The following CTNND2 variants were observed in gnomAD, a reference collection of about 807,000 sequenced individuals.
The protein encoded by CTNND2 is catenin delta 2, also known as catenin delta-2.
Under a neutral mutation model 144.4 loss-of-function variants are expected in CTNND2, and 22 were observed. The ratio of observed to expected loss-of-function variants is 0.15; its 90% CI spans 0.11 to 0.22. CTNND2 has a LOEUF of 0.22. Among genes scored for constraint, CTNND2 ranks in the 10% least tolerant of loss-of-function variants. CTNND2 has a pLI of 1.00. For missense variants in CTNND2, 1,353 were observed against 1,618.8 expected, an observed-to-expected ratio of 0.84 and a Z score of 2.82; for synonymous variants, 751 against 695.6, an observed-to-expected ratio of 1.08 and a Z score of -1.25.
intron 12 of CTNND2, among the ~76,000 whole-genome samples, chr5:11,146,107 C>A (rs1429652585): frequency 6.6e-6 from 1 of 151,444 alleles, no homozygotes; most frequent in Non-Finnish European, 1.5e-5. Flanking sequence ...CCCCATGATG[C>A]ACCACAGTTC....
At chr5:11,270,671 C>T (rs1244317236) in intron 9 of CTNND2, among the ~76,000 whole-genome samples, 1 of 152,174 alleles carries the variant, frequency 6.6e-6, no homozygotes, top group East Asian at 1.9e-4. Context: ...AAGCTCTTTT[C>T]TCCCTAAATC....
intron 12 of CTNND2, among the ~76,000 whole-genome samples, chr5:11,127,600 T>G (rs1362018879): frequency 6.6e-6 from 1 of 152,228 alleles, no homozygotes; most frequent in African/African-American, 2.4e-5. Context: ...GGGCTGGGTT[T>G]CCAGGCTGCT....
intron 12 of CTNND2, among the ~76,000 whole-genome samples, chr5:11,140,224 G>A (rs1483704588): frequency 6.6e-6 from 1 of 152,106 alleles, no homozygotes; most frequent in Admixed American, 6.5e-5. Context: ...GGCATACATT[G>A]GTACCCAAAG....
At chr5:11,110,792 G>T in intron 14 of CTNND2, 66 bp downstream of exon 14, 1 of 1,421,524 alleles carries the variant, frequency 7.0e-7, no homozygotes, top group South Asian at 1.2e-5. Flanking sequence ...TCTATATATT[G>T]AGGATATATT....
intron 1 of CTNND2, among the ~76,000 whole-genome samples, chr5:11,864,878 T>G (rs1795675017): frequency 7.2e-6 from 1 of 138,748 alleles, no homozygotes. Context: ...CTGTTCTTCT[T>G]CTTCCTTTTT....
At chr5:11,380,238 A>G (rs1322414195) in intron 7 of CTNND2, among the ~76,000 whole-genome samples, 3 of 152,314 alleles carry the variant, frequency 2.0e-5, no homozygotes, top group African/African-American at 7.2e-5. Flanking sequence ...TCATCTGCAT[A>G]TGCCCAACAC....
At chr5:11,844,473 A>G (rs1468815994) in intron 1 of CTNND2, among the ~76,000 whole-genome samples, 1 of 152,168 alleles carries the variant, frequency 6.6e-6, no homozygotes, top group African/African-American at 2.4e-5. Flanking sequence ...ATTAGGATTC[A>G]GATTTGTAGA....
At chr5:11,417,319 A>T (rs1581149716) in intron 3 of CTNND2, among the ~76,000 whole-genome samples, 1 of 152,324 alleles carries the variant, frequency 6.6e-6, no homozygotes, top group East Asian at 1.9e-4. Flanking sequence ...ATTTGGCTAC[A>T]TCAAAAGTAA....
At chr5:11,312,427 T>C (rs1751072818) in intron 9 of CTNND2, among the ~76,000 whole-genome samples, 1 of 152,032 alleles carries the variant, frequency 6.6e-6, no homozygotes. Flanking sequence ...AAGGCAGTTC[T>C]TACATGGCAG....
At chr5:11,714,484 G>C (rs912932839) in intron 2 of CTNND2, among the ~76,000 whole-genome samples, 1 of 152,096 alleles carries the variant, frequency 6.6e-6, no homozygotes, top group African/African-American at 2.4e-5. Context: ...TTAAAAGGTA[G>C]GAAAATTTAG....
intron 1 of CTNND2, among the ~76,000 whole-genome samples, chr5:11,877,310 A>G (rs1735638406): frequency 6.6e-6 from 1 of 152,076 alleles, no homozygotes; most frequent in African/African-American, 2.4e-5. Flanking sequence ...ACTAATTAGC[A>G]GTTATTCTTT....
At chr5:11,808,534 G>C (rs1283826140) in intron 1 of CTNND2, among the ~76,000 whole-genome samples, 4 of 152,182 alleles carry the variant, frequency 2.6e-5, no homozygotes, top group Admixed American at 2.6e-4. Flanking sequence ...CAACTGCTCT[G>C]AAGTGCTTTT....
At chr5:11,788,193 A>G (rs921963433) in intron 1 of CTNND2, among the ~76,000 whole-genome samples, 2 of 152,168 alleles carry the variant, frequency 1.3e-5, no homozygotes, top group Admixed American at 6.6e-5. Context: ...AATTCAAAAA[A>G]TATGTATCAT....
chr5:11,203,846 A>G (rs1294418288), intron 10 of CTNND2, among the ~76,000 whole-genome samples: 3 of 152,270 alleles, frequency 2.0e-5, no homozygotes, highest in Non-Finnish European at 4.4e-5. Flanking sequence ...TGAATTACAT[A>G]CGGGGAAATG....
At chr5:11,214,476 G>A (rs1226172449) in intron 10 of CTNND2, among the ~76,000 whole-genome samples, 2 of 152,132 alleles carry the variant, frequency 1.3e-5, no homozygotes, top group Admixed American at 6.5e-5. Flanking sequence ...TCAATAGACC[G>A]GTAGATGCTG....
intron 3 of CTNND2, among the ~76,000 whole-genome samples, chr5:11,550,191 C>T (rs1665784305): frequency 6.6e-6 from 1 of 152,152 alleles, no homozygotes; most frequent in South Asian, 2.1e-4. Context: ...ATGGGGTTTA[C>T]CAGTATACTT....
In CTNND2 at chr5:11,300,698, C is replaced by T. The variant is rs915378768; in HGVS notation, c.1628+45674G>A. ...TATATACTTATACTAAAAATTTACC[C>T]GTTGTTTATCTGAAGTTCAAATGTG... On this transcript the variant is annotated intron_variant, in intron 9 of 21. Coordinates refer to ENST00000304623, the MANE Select transcript of CTNND2 (RefSeq NM_001332.4). Among the ~76,000 whole-genome samples the T allele has an allele frequency of 5.3e-5, 8 of 151,886 alleles. No homozygotes were observed. The South Asian group carries it at 6.2e-4, about 12-fold the overall frequency.
chr5:11,162,243 T>G (rs1402902184), intron 11 of CTNND2, among the ~76,000 whole-genome samples: 1 of 152,180 alleles, frequency 6.6e-6, no homozygotes, highest in Non-Finnish European at 1.5e-5. Flanking sequence ...TCTCAAGGCT[T>G]TCTATGAGAA....
rs1385720678 is a variant in CTNND2 at position 11,904,009 on chromosome 5, G to C, written c.-156C>G. Reference sequence around the variant, plus strand: ...ACAAGGGATGCTGGCGGGCGGCAGGGGCGAGCGCCGCGGGCGAGAGGCGGC... The same window carrying C: ...ACAAGGGATGCTGGCGGGCGGCAGGCGCGAGCGCCGCGGGCGAGAGGCGGC... On this transcript the variant is annotated 5_prime_UTR_variant, in exon 1 of 22. Transcript: ENST00000304623. The surrounding 1 kb of genome is among the most constrained non-coding windows in gnomAD (Gnocchi z 4.2). The C allele has an allele frequency of 1.2e-6, 1 of 839,140 alleles. No homozygotes were observed. Among genetic ancestry groups the C allele is most frequent in the African/African-American group, 1.8e-5 (1 of 55,468 alleles). 52.0% of individuals were successfully genotyped at this position (839,140 alleles called of 1,614,324 possible). A position where few individuals can be genotyped will look rare whatever the true frequency, so the allele number is the denominator to read the frequency against.
Sources: gnomAD v4.1 joint callset for allele counts (sites outside exome capture counted in the v4.1 genomes callset) on GRCh38, gnomAD v4.1.1 for gene constraint, Gnocchi (gnomAD v3.1) non-coding constraint, MANE v1.5 for transcripts, NCBI Gene and HGNC (gene_info 2026-07-23, HGNC 2026-07-21) for gene names.